The following SH3GLB2 variants were observed in gnomAD, a reference collection of about 807,000 sequenced individuals.
SH3GLB2 encodes SH3 domain containing GRB2 like, endophilin B2.
Under a neutral mutation model 48.0 loss-of-function variants are expected in SH3GLB2, and 24 were observed. The ratio of observed to expected loss-of-function variants is 0.50; its 90% confidence interval spans 0.36 to 0.70. SH3GLB2 has a LOEUF of 0.70. Ranked by LOEUF, SH3GLB2 falls within the 30% of genes least tolerant of loss-of-function variation. The pLI, the probability that SH3GLB2 is intolerant of heterozygous loss-of-function variation, is 0.00. For missense variants in SH3GLB2, 425 were observed against 516.0 expected (o/e 0.82, Z 1.71); for synonymous variants, 227 against 207.6 (o/e 1.09, Z -0.80).
intron 2 of SH3GLB2, among the ~76,000 whole-genome samples, chr9:129,021,977 A>C (rs921989720): frequency 8.6e-5 from 13 of 150,798 alleles, no homozygotes; most frequent in Non-Finnish European, 1.5e-4. Context: ...AAAAAAAAAA[A>C]CCAACAGAGT....
intron 1 of SH3GLB2, 36 bp downstream of exon 1, chr9:129,028,056 C>T (rs2131315540): frequency 6.7e-7 from 1 of 1,493,576 alleles, no homozygotes; most frequent in Non-Finnish European, 8.9e-7. Context: ...GCCGCACATC[C>T]GGGCCCCCGG....
At chr9:129,013,376 G>C in intron 5 of SH3GLB2, 2 of 330,624 alleles carry the variant, frequency 6.0e-6, no homozygotes, top group Non-Finnish European at 1.1e-5. Context: ...CTGATGGAGA[G>C]AGTGTGTTCT....
intron 1 of SH3GLB2, among the ~76,000 whole-genome samples, chr9:129,023,635 G>A (rs1843954070): frequency 6.6e-6 from 1 of 152,152 alleles, no homozygotes; most frequent in Admixed American, 6.5e-5. Flanking sequence ...GCAGGAGTCG[G>A]TCAGCCATGA....
intron 8 of SH3GLB2, 36 bp downstream of exon 8, chr9:129,010,084 G>C: frequency 1.3e-6 from 2 of 1,590,862 alleles, no homozygotes; most frequent in Non-Finnish European, 8.6e-7. Flanking sequence ...TGCCTGCTGA[G>C]GGTTAGGTTT....
intron 1 of SH3GLB2, among the ~76,000 whole-genome samples, chr9:129,024,385 C>T (rs1385715029): frequency 2.6e-5 from 4 of 151,106 alleles, no homozygotes; most frequent in African/African-American, 7.3e-5. Flanking sequence ...CAAGGTGAAA[C>T]CCCTTCTCTA....
chr9:129,009,618 T>C (rs1842984886), intron 9 of SH3GLB2, 153 bp downstream of exon 9: 1 of 1,420,610 alleles, frequency 7.0e-7, no homozygotes, highest in African/African-American at 1.4e-5. Context: ...TCCACCCTCA[T>C]ACACATGAGA....
chr9:129,008,722 CCTT>C lies in SH3GLB2; in HGVS notation c.1147_1149del (p.Lys383del). 1 of 1,614,152 alleles carries C rather than the reference CCTT, an allele frequency of 6.2e-7. No individual in the cohort carries two copies. The highest frequency in any genetic ancestry group is 1.1e-5 in the South Asian group (1 of 91,076). ...TCCAAGTAGGTGACAGGGACCTTGCCCTTCTTGTTGCCTCTCTCGCCAATGAGC... is the reference window on the plus strand; with the variant it reads ...TCCAAGTAGGTGACAGGGACCTTGCCCTTGTTGCCTCTCTCGCCAATGAGC... On this transcript the variant is annotated inframe_deletion, in exon 11 of 11. Coordinates refer to ENST00000372564, the MANE Select transcript of SH3GLB2 (RefSeq NM_020145.4).
intron 3 of SH3GLB2, among the ~76,000 whole-genome samples, chr9:129,016,798 T>G (rs1263126221): frequency 2.0e-5 from 3 of 152,046 alleles, no homozygotes; most frequent in Non-Finnish European, 4.4e-5. Context: ...AGACAAAGAA[T>G]AGTATTTTAT....
intron 1 of SH3GLB2, among the ~76,000 whole-genome samples, chr9:129,023,766 G>A (rs375716256): frequency 3.3e-5 from 5 of 152,158 alleles, no homozygotes; most frequent in Non-Finnish European, 7.4e-5. Context: ...AGGGCTGGGA[G>A]GGCCCAGCTG....
intron 7 of SH3GLB2, chr9:129,010,410 A>T (rs1451703110): frequency 1.1e-5 from 7 of 639,134 alleles, no homozygotes; most frequent in Admixed American, 2.9e-5. Context: ...AGGCAGCTGC[A>T]GTGACAGACC....
chr9:129,009,425 G>A (rs1398593777), intron 9 of SH3GLB2, 79 bp from the exon 10 acceptor site: 1 of 1,550,250 alleles, frequency 6.5e-7, no homozygotes, highest in Non-Finnish European at 8.7e-7. Flanking sequence ...CCAGCCCCAG[G>A]AGCCCCACTC....
intron 3 of SH3GLB2, among the ~76,000 whole-genome samples, chr9:129,018,923 G>A (rs1224528800): frequency 1.3e-5 from 2 of 151,258 alleles, no homozygotes; most frequent in Non-Finnish European, 2.9e-5. Context: ...TTAGGTAAAA[G>A]CAGCTAAATG....
chr9:129,022,472 GAGGT>G, intron 1 of SH3GLB2, 49 bp from the exon 2 acceptor site: 4 of 1,475,546 alleles, frequency 2.7e-6, no homozygotes, highest in Non-Finnish European at 3.7e-6. Context: ...AGCTCAGAAG[GAGGT>G]GGGGGAGTGG....
At chr9:129,024,593 C>G (rs1208437105) in intron 1 of SH3GLB2, among the ~76,000 whole-genome samples, 1 of 150,576 alleles carries the variant, frequency 6.6e-6, no homozygotes, top group Non-Finnish European at 1.5e-5. Flanking sequence ...CGTGGTGGCA[C>G]CCACCTGTAG....
chr9:129,013,187 G>A (rs752025383), intron 5 of SH3GLB2: 49 of 688,902 alleles, frequency 7.1e-5, no homozygotes, highest in African/African-American at 3.7e-4. Context: ...TAACGTGTGC[G>A]TGCTTATGGG....
rs557009679 is a variant in SH3GLB2 at position 129,011,485 on chromosome 9, G to C, written c.624+751C>G. 6.6e-6 allele frequency: 1 copy of C among 152,248 alleles called. No homozygotes were observed. The highest frequency in any genetic ancestry group is 2.4e-5 in the African/African-American group (1 of 41,428). 9.4% of individuals were successfully genotyped at this position (152,248 alleles called of 1,614,324 possible). A position where few individuals can be genotyped will look rare whatever the true frequency, so the allele number is the denominator to read the frequency against. The stretch of plus-strand genomic sequence containing the variant: ...GGAAGACATGAGGCAGCATGCTCAC[G>C]AGAGAGGTGAGGGTCTCACCTCCAG... On this transcript the variant is annotated intron_variant, in intron 6 of 10. Coordinates refer to ENST00000372564, the MANE Select transcript of SH3GLB2 (RefSeq NM_020145.4). This position sits in a 1 kb window ranked among gnomAD's most constrained non-coding sequence, Gnocchi z 4.5.
At chr9:129,023,782 G>A (rs1843964463) in intron 1 of SH3GLB2, among the ~76,000 whole-genome samples, 1 of 152,148 alleles carries the variant, frequency 6.6e-6, no homozygotes, top group Admixed American at 6.5e-5. Flanking sequence ...AGCTGCCAGG[G>A]GTATGGCCTC....
chr9:129,015,872 AAAAAG>A (rs755113051), intron 3 of SH3GLB2: 31 of 331,844 alleles, frequency 9.3e-5, no homozygotes, highest in Middle Eastern at 3.9e-4. Context: ...TGTCTTTAAA[AAAAAG>A]AAAAGAAAAG....
At chr9:129,022,462 A>T in intron 1 of SH3GLB2, 39 bp from the exon 2 acceptor site, 1 of 1,479,994 alleles carries the variant, frequency 6.8e-7, no homozygotes, top group Non-Finnish European at 9.3e-7. Context: ...GGAGGGGGAG[A>T]GCTCAGAAGG....
Sources: allele counts gnomAD v4.1 joint callset (sites outside exome capture counted in the v4.1 genomes callset), GRCh38; gene constraint gnomAD v4.1.1; non-coding constraint Gnocchi (gnomAD v3.1); transcripts MANE v1.5; gene names NCBI Gene and HGNC (gene_info 2026-07-23, HGNC 2026-07-21).